The following NINJ2 variants were observed in gnomAD, a reference collection of about 807,000 sequenced individuals.
NINJ2 encodes ninjurin-2.
Under a neutral mutation model 11.7 loss-of-function variants are expected in NINJ2, and 12 were observed. The ratio of observed to expected loss-of-function variants is 1.02; its 90% CI spans 0.66 to 1.66. The LOEUF is 1.66. Ranked by LOEUF, NINJ2 falls within the 40% of genes most tolerant of loss-of-function variation. The pLI is 0.00. For synonymous variants in NINJ2, 93 were observed against 76.8 expected (o/e 1.21, Z -1.10); for missense variants, 187 against 181.8 (o/e 1.03, Z -0.16).
At chr12:601,416 CG>C (rs199505781) in intron 1 of NINJ2, among the ~76,000 whole-genome samples, 4,007 of 151,722 alleles carry the variant, frequency 0.026, 185 homozygotes, top group African/African-American at 0.085. Flanking sequence ...GGCGTGGTGG[CG>C]GGCGCCTGTA....
intron 1 of NINJ2, among the ~76,000 whole-genome samples, chr12:572,850 A>AT (rs539715060): frequency 0.31 from 29,321 of 95,736 alleles, 4,635 homozygotes; most frequent in African/African-American, 0.45. Flanking sequence ...AGAGCCTGTA[A>AT]TTTTTTTTTT....
chr12:631,439 A>G (rs1388172972), intron 1 of NINJ2, among the ~76,000 whole-genome samples: 5 of 151,990 alleles, frequency 3.3e-5, no homozygotes, highest in South Asian at 2.1e-4. Flanking sequence ...TCTCTGCTCA[A>G]TGCAACCTCC....
At chr12:621,202 C>T (rs778464599) in intron 1 of NINJ2, among the ~76,000 whole-genome samples, 5 of 152,066 alleles carry the variant, frequency 3.3e-5, no homozygotes, top group Non-Finnish European at 7.4e-5. Flanking sequence ...AATCCCAGCA[C>T]TTTAGGAGGC....
chr12:638,957 G>T (rs1361793522), intron 1 of NINJ2, among the ~76,000 whole-genome samples: 2 of 152,116 alleles, frequency 1.3e-5, no homozygotes, highest in Non-Finnish European at 2.9e-5. Flanking sequence ...GTAATACTCT[G>T]CAACTGTTAA....
chr12:605,724 G>A (rs1592092685), intron 1 of NINJ2, among the ~76,000 whole-genome samples: 1 of 152,270 alleles, frequency 6.6e-6, no homozygotes, highest in African/African-American at 2.4e-5. Flanking sequence ...GGAAGATGAG[G>A]GGTTTTGGGG....
chr12:605,676 A>G (rs722097), intron 1 of NINJ2, among the ~76,000 whole-genome samples: 90,720 of 152,170 alleles, frequency 0.6, 27,855 homozygotes, highest in African/African-American at 0.76. Flanking sequence ...TCCCCAGCAA[A>G]CAAGCCCTAC....
Position 585,553 on chromosome 12 carries a change from C to T in NINJ2, c.34-19375G>A, listed in dbSNP as rs78850886. On this transcript the variant is annotated intron_variant, in intron 1 of 3. Transcript: ENST00000305108. This position sits in a 1 kb window ranked among gnomAD's most constrained non-coding sequence, Gnocchi z 4.1. ...AACGGTTGGAGGGAAGGGAAGGGAA[C>T]GGTTGGAGGGAAGGGAGGCTGAGCA... 0.027 allele frequency among the ~76,000 whole-genome samples: 1,413 copies of T among 51,982 alleles called. 25 individuals carry two copies. Among genetic ancestry groups the T allele is most frequent in the South Asian group, 0.091 (105 of 1,152 alleles). The allele number at this position is 51,982 out of a possible 152,430, so 34.1% of individuals were successfully genotyped here.
intron 1 of NINJ2, among the ~76,000 whole-genome samples, chr12:577,425 A>ATG (rs1440730959): frequency 1.6e-5 from 2 of 121,820 alleles, no homozygotes; most frequent in Non-Finnish European, 3.6e-5. Flanking sequence ...TCATATATAT[A>ATG]TATACATATA....
intron 1 of NINJ2, among the ~76,000 whole-genome samples, chr12:619,734 T>A (rs1292741597): frequency 6.6e-6 from 1 of 152,210 alleles, no homozygotes; most frequent in African/African-American, 2.4e-5. Flanking sequence ...AACTTTGTCC[T>A]GAAGAAGCCC....
intron 1 of NINJ2, among the ~76,000 whole-genome samples, chr12:620,757 G>A (rs1565638229): frequency 6.6e-6 from 1 of 152,168 alleles, no homozygotes; most frequent in Non-Finnish European, 1.5e-5. Flanking sequence ...AGCCTCCGGA[G>A]TAGCTGGGAT....
At chr12:612,018 C>CT (rs1161291616) in intron 1 of NINJ2, among the ~76,000 whole-genome samples, 1 of 152,196 alleles carries the variant, frequency 6.6e-6, no homozygotes, top group Non-Finnish European at 1.5e-5. Context: ...AATTGTGGCC[C>CT]TAAAAGGAAG....
At chr12:634,270 T>G in intron 1 of NINJ2, among the ~76,000 whole-genome samples, 1 of 111,634 alleles carries the variant, frequency 9.0e-6, no homozygotes, top group Non-Finnish European at 1.8e-5. Context: ...CAGTTCTTTT[T>G]TTTTTTTTTT....
At position 566,035 on chromosome 12, in the gene NINJ2, G is replaced by A. The variant is rs763695017; in HGVS notation, c.177C>T (p.Ser59=). ...TGACCAGGGTGGTGTAGTAGTGAGA[G>A]GATGGTCCCTGCTCCAGCACCGCCT... The part of the protein sequence containing the change: ...RLKAVLEQGP[S]SHYYTTLVTL... The change falls in exon 2 of 4, where the codon TCC becomes TCT. Residue 59 remains serine (S), a synonymous_variant. Transcript: ENST00000305108. 18 of 1,614,096 alleles carry A rather than the reference G, an allele frequency of 1.1e-5. No homozygotes were observed. Among genetic ancestry groups the A allele is most frequent in the Non-Finnish European group, 1.4e-5 (16 of 1,180,040 alleles).
chr12:586,372 G>A (rs1947638906), intron 1 of NINJ2: 2 of 152,232 alleles, frequency 1.3e-5, no homozygotes, highest in South Asian at 4.1e-4. Context: ...AAGGTGAGAT[G>A]GCCCAGCCAG....
chr12:612,224 C>A (rs888966366), intron 1 of NINJ2, among the ~76,000 whole-genome samples: 5 of 152,160 alleles, frequency 3.3e-5, no homozygotes, highest in African/African-American at 1.2e-4. Context: ...TACACACAGG[C>A]GAGAAATAAA....
At chr12:584,960 TAAAAG>T (rs1947612132) in intron 1 of NINJ2, among the ~76,000 whole-genome samples, 1 of 150,546 alleles carries the variant, frequency 6.6e-6, no homozygotes, top group South Asian at 2.1e-4. Flanking sequence ...CTACTAAAAA[TAAAAG>T]AAAATTAGCT....
At chr12:656,543 G>T (rs1694180786) in intron 1 of NINJ2, among the ~76,000 whole-genome samples, 1 of 151,782 alleles carries the variant, frequency 6.6e-6, no homozygotes, top group African/African-American at 2.4e-5. Flanking sequence ...AAGTTCAGGA[G>T]TTCGAGACCA....
intron 1 of NINJ2, among the ~76,000 whole-genome samples, chr12:579,494 CA>C (rs1947516002): frequency 1.4e-5 from 2 of 139,546 alleles, no homozygotes; most frequent in African/African-American, 2.8e-5. Context: ...CAAAACAAAA[CA>C]AAAACAAAAC....
intron 1 of NINJ2, among the ~76,000 whole-genome samples, chr12:601,342 C>T (rs139513645): frequency 0.031 from 4,504 of 146,726 alleles, 114 homozygotes; most frequent in Non-Finnish European, 0.044. Flanking sequence ...GTCAGGAGAT[C>T]GAGACCATCC....
Sources: gnomAD v4.1 joint callset for allele counts (sites outside exome capture counted in the v4.1 genomes callset) on GRCh38, gnomAD v4.1.1 for gene constraint, Gnocchi (gnomAD v3.1) non-coding constraint, MANE v1.5 for transcripts, NCBI Gene and HGNC (gene_info 2026-07-23, HGNC 2026-07-21) for gene names.